The following SH3BGRL2 variants were observed in gnomAD, a reference collection of about 807,000 sequenced individuals.
SH3BGRL2 encodes the protein SH3 domain binding glutamate rich protein like 2, also known as SH3 domain-binding glutamic acid-rich-like protein 2.
Under a neutral mutation model 14.8 loss-of-function variants are expected in SH3BGRL2, and 21 were observed. The observed-to-expected ratio is 1.42, with a 90% CI of 1.01 to 2.05. The LOEUF is 2.05. Ranked by LOEUF, SH3BGRL2 falls within the 30% of genes most tolerant of loss-of-function variation. The pLI, the probability that SH3BGRL2 is intolerant of heterozygous loss-of-function variation, is 0.00. For synonymous variants in SH3BGRL2, 50 were observed against 47.8 expected, an observed-to-expected ratio of 1.05 and a Z score of -0.19; for missense variants, 147 against 130.8, an observed-to-expected ratio of 1.12 and a Z score of -0.61.
At chr6:79,630,435 T>C (rs146108467), upstream of SH3BGRL2, among the ~76,000 whole-genome samples, 156 of 152,350 alleles carry the variant, frequency 1.0e-3, no homozygotes, top group African/African-American at 3.7e-3. Context: ...GCTTGAGCTT[T>C]TGTCAAACAG....
rs373821558 is a variant in SH3BGRL2 at position 79,658,617 on chromosome 6, CT to C, written c.46-14994del. Among the ~76,000 whole-genome samples the C allele has an allele frequency of 2.1e-4, 32 of 152,252 alleles. No homozygotes were observed. The East Asian group carries it at 5.8e-3, about 28-fold the overall frequency. The stretch of plus-strand genomic sequence containing the variant: ...GGAATAAACATATGTGTGCATGTGT[CT>C]TTATAGTAGCATGATTTATAATCCT... On this transcript the variant is annotated intron_variant, in intron 1 of 3. Transcript: ENST00000369838.
chr6:79,593,208 A>T, the SH3BGRL2 span, among the ~76,000 whole-genome samples: 1 of 152,178 alleles, frequency 6.6e-6, no homozygotes, highest in Non-Finnish European at 1.5e-5. Context: ...AGTGGGGTGG[A>T]CTACAGACAA....
the SH3BGRL2 span, among the ~76,000 whole-genome samples, chr6:79,607,478 C>T: frequency 4.6e-5 from 7 of 152,124 alleles, no homozygotes; most frequent in Admixed American, 2.0e-4. Context: ...AGTCCTATTG[C>T]GTACTTACCC....
Position 79,673,698 on chromosome 6 carries a change from G to T in SH3BGRL2, c.130G>T (p.Glu44Ter), listed in dbSNP as rs1291622545. Residue 44 changes from glutamate (E) to a stop codon, truncating the protein, a stop_gained, in exon 2 of 4, where the codon GAA (glutamate) becomes TAA (stop). Transcript: ENST00000369838. LOFTEE classifies it high-confidence loss of function. ...GGAGGTGGATATCACAATGTCAGAA[G>T]AACAGAGGCAATGGATGTACAAAAA... ...FEEVDITMSE[E>*]QRQWMYKNVP... The T allele has an allele frequency of 8.1e-6, 13 of 1,614,022 alleles. No homozygotes were observed. The highest frequency in any genetic ancestry group is 1.3e-5 in the African/African-American group (1 of 74,898).
At chr6:79,595,099 A>T in the SH3BGRL2 span, among the ~76,000 whole-genome samples, 28 of 152,214 alleles carry the variant, frequency 1.8e-4, no homozygotes, top group Non-Finnish European at 1.5e-5. Context: ...CAGCCTGATG[A>T]ACAGGGAGAA....
At chr6:79,608,363 A>G in the SH3BGRL2 span, among the ~76,000 whole-genome samples, 155 of 152,318 alleles carry the variant, frequency 1.0e-3, no homozygotes, top group African/African-American at 3.6e-3. Flanking sequence ...CTGGACCAAG[A>G]TGTACCAGGA....
At chr6:79,699,214 AC>A (rs1431601907) in intron 3 of SH3BGRL2, among the ~76,000 whole-genome samples, 1 of 152,180 alleles carries the variant, frequency 6.6e-6, no homozygotes, top group African/African-American at 2.4e-5. Flanking sequence ...ACCCAGCCAT[AC>A]ACAAGTGGAA....
the SH3BGRL2 span, among the ~76,000 whole-genome samples, chr6:79,620,963 A>G: frequency 3.9e-5 from 6 of 152,086 alleles, no homozygotes; most frequent in East Asian, 1.9e-4. Flanking sequence ...GGGTTTCGCT[A>G]TGTTGGCCAG....
chr6:79,582,168 C>G, the SH3BGRL2 span, among the ~76,000 whole-genome samples: 1 of 152,188 alleles, frequency 6.6e-6, no homozygotes, highest in Non-Finnish European at 1.5e-5. Flanking sequence ...ATTCCATGCT[C>G]ATGGATAGGA....
intron 2 of SH3BGRL2, among the ~76,000 whole-genome samples, chr6:79,684,347 G>C (rs1770051518): frequency 6.6e-6 from 1 of 151,802 alleles, no homozygotes; most frequent in Non-Finnish European, 1.5e-5. Context: ...CAGCAAACTT[G>C]TGCCTTATTA....
At chr6:79,566,548 G>A in the SH3BGRL2 span, among the ~76,000 whole-genome samples, 9 of 152,080 alleles carry the variant, frequency 5.9e-5, no homozygotes, top group Non-Finnish European at 2.9e-5. Flanking sequence ...GAACTACAAA[G>A]TTTGGAATTT....
the SH3BGRL2 span, among the ~76,000 whole-genome samples, chr6:79,591,942 G>T: frequency 6.6e-6 from 1 of 152,126 alleles, no homozygotes; most frequent in Non-Finnish European, 1.5e-5. Flanking sequence ...ATATATTTAA[G>T]AAGAGAAACT....
intron 1 of SH3BGRL2, among the ~76,000 whole-genome samples, chr6:79,659,625 T>G (rs1001971322): frequency 6.6e-6 from 1 of 152,222 alleles, no homozygotes; most frequent in Non-Finnish European, 1.5e-5. Flanking sequence ...ATGCAGGTTC[T>G]TTTTTGGTTC....
the SH3BGRL2 span, among the ~76,000 whole-genome samples, chr6:79,600,675 G>A: frequency 6.2e-4 from 95 of 152,202 alleles, 1 homozygote; most frequent in African/African-American, 2.2e-3. Context: ...CAGCTCACCC[G>A]GGAGCTGGGA....
intron 1 of SH3BGRL2, among the ~76,000 whole-genome samples, chr6:79,641,742 A>G (rs1041238989): frequency 2.6e-5 from 4 of 152,184 alleles, no homozygotes; most frequent in Admixed American, 6.5e-5. Flanking sequence ...CAGTAGTAGT[A>G]GTAGTAATAA....
At chr6:79,620,071 A>G in the SH3BGRL2 span, among the ~76,000 whole-genome samples, 5 of 152,252 alleles carry the variant, frequency 3.3e-5, no homozygotes, top group African/African-American at 1.2e-4. Flanking sequence ...TCCAAAGGTC[A>G]TAGCACACAT....
At chr6:79,538,343 C>G in the SH3BGRL2 span, among the ~76,000 whole-genome samples, 4 of 152,214 alleles carry the variant, frequency 2.6e-5, no homozygotes, top group African/African-American at 9.6e-5. Flanking sequence ...ATTGGTAATT[C>G]CTGCTTCTCG....
At chr6:79,562,379 C>T in the SH3BGRL2 span, among the ~76,000 whole-genome samples, 1 of 151,964 alleles carries the variant, frequency 6.6e-6, no homozygotes, top group Non-Finnish European at 1.5e-5. Context: ...TCTTTAGATC[C>T]ACTTAAATAG....
the SH3BGRL2 span, among the ~76,000 whole-genome samples, chr6:79,576,878 G>A: frequency 6.6e-6 from 1 of 151,934 alleles, no homozygotes; most frequent in Non-Finnish European, 1.5e-5. Flanking sequence ...TGAACTTTAC[G>A]TACCCTCTGG....
Sources: gnomAD v4.1 joint callset for allele counts (sites outside exome capture counted in the v4.1 genomes callset) on GRCh38, gnomAD v4.1.1 for gene constraint, MANE v1.5 for transcripts, NCBI Gene and HGNC (gene_info 2026-07-23, HGNC 2026-07-21) for gene names.